CCSER1: variants seen among roughly 807,000 people sequenced by gnomAD.
The protein encoded by CCSER1 is coiled-coil serine rich protein 1.
In CCSER1, 41 loss-of-function variants were observed where a neutral mutation model predicts 82.0. The observed-to-expected ratio is 0.50, with a 90% confidence interval of 0.39 to 0.65. CCSER1 has a LOEUF of 0.65. Among genes scored for constraint, CCSER1 ranks in the 30% least tolerant of loss-of-function variants. The pLI, the probability that CCSER1 is intolerant of heterozygous loss-of-function variation, is 0.00. For missense variants in CCSER1, 1,119 were observed against 1,064.2 expected (o/e 1.05, Z -0.72); for synonymous variants, 414 against 383.9 (o/e 1.08, Z -0.92).
chr4:90,516,438 T>C (rs2153621209), intron 5 of CCSER1, among the ~76,000 whole-genome samples: 1 of 152,250 alleles, frequency 6.6e-6, no homozygotes. Context: ...CCCCAGGGCC[T>C]GAAGGAGAAG....
At chr4:91,298,601 G>T (rs1744409993) in intron 10 of CCSER1, among the ~76,000 whole-genome samples, 1 of 151,984 alleles carries the variant, frequency 6.6e-6, no homozygotes, top group Non-Finnish European at 1.5e-5. Flanking sequence ...GCGTGGGAAT[G>T]GAGACTAACT....
intron 7 of CCSER1, among the ~76,000 whole-genome samples, chr4:90,787,112 A>T (rs1754621093): frequency 6.6e-6 from 1 of 152,216 alleles, no homozygotes; most frequent in South Asian, 2.1e-4. Flanking sequence ...TAGGAACTCT[A>T]CACCTTCATT....
chr4:90,640,373 GT>G (rs1302174113), intron 6 of CCSER1, among the ~76,000 whole-genome samples: 8 of 151,998 alleles, frequency 5.3e-5, no homozygotes. Context: ...ACATGTCTTA[GT>G]TTTGGAAGGA....
chr4:90,190,390 A>G (rs1480446829), intron 1 of CCSER1, among the ~76,000 whole-genome samples: 1 of 152,108 alleles, frequency 6.6e-6, no homozygotes, highest in African/African-American at 2.4e-5. Context: ...TGCTGGTAAA[A>G]TTATCCACAA....
intron 6 of CCSER1, among the ~76,000 whole-genome samples, chr4:90,723,376 A>G (rs890164346): frequency 6.6e-6 from 1 of 151,952 alleles, no homozygotes. Context: ...GCAGAATAAA[A>G]GAAAGGTAAA....
At chr4:90,833,676 T>TA (rs1761417262) in intron 8 of CCSER1, among the ~76,000 whole-genome samples, 1 of 152,204 alleles carries the variant, frequency 6.6e-6, no homozygotes, top group South Asian at 2.1e-4. Context: ...GCATTATTCT[T>TA]AGTAGACAAA....
At chr4:91,290,489 TAC>T (rs1743661944) in intron 10 of CCSER1, among the ~76,000 whole-genome samples, 1 of 151,974 alleles carries the variant, frequency 6.6e-6, no homozygotes, top group Non-Finnish European at 1.5e-5. Flanking sequence ...TATCTGTCAA[TAC>T]AGTTTTATAA....
At chr4:91,531,259 C>CTCCAT (rs982780472) in intron 10 of CCSER1, among the ~76,000 whole-genome samples, 4 of 152,110 alleles carry the variant, frequency 2.6e-5, no homozygotes, top group Admixed American at 2.6e-4. Flanking sequence ...TGGAGGATTT[C>CTCCAT]TCCATTCAGA....
At chr4:90,618,223 T>C (rs912055076) in intron 5 of CCSER1, among the ~76,000 whole-genome samples, 1 of 152,060 alleles carries the variant, frequency 6.6e-6, no homozygotes, top group Non-Finnish European at 1.5e-5. Flanking sequence ...TTGAAAAGTA[T>C]TGGAAGCTTT....
intron 10 of CCSER1, among the ~76,000 whole-genome samples, chr4:91,464,149 G>T (rs189003732): frequency 3.9e-5 from 6 of 152,288 alleles, no homozygotes; most frequent in African/African-American, 7.2e-5. Context: ...AACTAACAGC[G>T]GATCTCTCAG....
chr4:91,212,140 T>C (rs1303888456), intron 10 of CCSER1, among the ~76,000 whole-genome samples: 1 of 152,082 alleles, frequency 6.6e-6, no homozygotes, highest in Non-Finnish European at 1.5e-5. Context: ...GGTACAGTAT[T>C]CACCTCAGAG....
chr4:90,234,462 C>A (rs1239343768), intron 1 of CCSER1, among the ~76,000 whole-genome samples: 2 of 152,120 alleles, frequency 1.3e-5, no homozygotes, highest in Admixed American at 6.5e-5. Context: ...GATGATCCGC[C>A]CGCCTTGGCC....
chr4:90,167,584 AT>A (rs1730730162), intron 1 of CCSER1, among the ~76,000 whole-genome samples: 1 of 152,112 alleles, frequency 6.6e-6, no homozygotes. Context: ...GTAACTCGTC[AT>A]TTAACATTAG....
chr4:90,328,954 A>G (rs1031103278), intron 3 of CCSER1, among the ~76,000 whole-genome samples: 6 of 152,236 alleles, frequency 3.9e-5, no homozygotes, highest in Non-Finnish European at 7.3e-5. Flanking sequence ...TAAATTAGTG[A>G]ACACAAACAC....
At position 91,548,176 on chromosome 4, in the gene CCSER1, C is replaced by T. The variant is rs186331690; in HGVS notation, c.2218-50396C>T. On this transcript the variant is annotated intron_variant, in intron 10 of 10. Coordinates refer to ENST00000509176, the MANE Select transcript of CCSER1 (RefSeq NM_001145065.2). ...TACTTTGTTACTATCTTACTGGTTG[C>T]GCTAAAGTTTGCAATTTACGTGTAA... Among the ~76,000 whole-genome samples the T allele has an allele frequency of 5.7e-4, 87 of 152,214 alleles. 1 individual carries two copies. In the East Asian group the frequency reaches 6.4e-3, roughly 11 times the overall value.
At chr4:90,796,869 CT>C (rs1206849237) in intron 7 of CCSER1, among the ~76,000 whole-genome samples, 1 of 152,048 alleles carries the variant, frequency 6.6e-6, no homozygotes, top group Non-Finnish European at 1.5e-5. Context: ...GATTTCAGTT[CT>C]TTTGCATTTG....
intron 9 of CCSER1, among the ~76,000 whole-genome samples, chr4:91,082,658 C>T (rs200633538): frequency 5.3e-5 from 8 of 151,868 alleles, no homozygotes; most frequent in Non-Finnish European, 1.0e-4. Context: ...TACAATCTAC[C>T]CATCTGACAA....
rs142285522 is a variant in CCSER1, at chr4:90,732,125, C to T, written c.2010+8134C>T. Among the ~76,000 whole-genome samples, 6 of 151,474 alleles carry T rather than the reference C, an allele frequency of 4.0e-5. No homozygotes were observed. In the East Asian group the frequency reaches 1.2e-3, roughly 30 times the overall value. Reference sequence around the variant, plus strand: ...CAGCCTCTCCATGGACTAGCTTGAGCTTTCTCACAACATGCTGGTTTTGGA... The same window carrying T: ...CAGCCTCTCCATGGACTAGCTTGAGTTTTCTCACAACATGCTGGTTTTGGA... On this transcript the variant is annotated intron_variant, in intron 7 of 10. Coordinates refer to ENST00000509176, the MANE Select transcript of CCSER1 (RefSeq NM_001145065.2).
chr4:90,814,058 A>C (rs1758681059), intron 7 of CCSER1, among the ~76,000 whole-genome samples: 1 of 152,204 alleles, frequency 6.6e-6, no homozygotes, highest in Non-Finnish European at 1.5e-5. Flanking sequence ...AGAGGTTCCC[A>C]AACCTCAACT....
Sources: gnomAD v4.1 joint callset for allele counts (sites outside exome capture counted in the v4.1 genomes callset) on GRCh38, gnomAD v4.1.1 for gene constraint, MANE v1.5 for transcripts, NCBI Gene and HGNC (gene_info 2026-07-23, HGNC 2026-07-21) for gene names.